AGAP1: variants seen among roughly 807,000 people sequenced by gnomAD.
AGAP1 encodes arf-GAP with GTPase, ANK repeat and PH domain-containing protein 1.
A neutral mutation model predicts 105.3 loss-of-function variants in AGAP1; 29 were observed. The ratio of observed to expected loss-of-function variants is 0.28; its 90% CI spans 0.21 to 0.38. The LOEUF is 0.38. Among genes scored for constraint, AGAP1 ranks in the 10% least tolerant of loss-of-function variants. The pLI is 1.00. For synonymous variants in AGAP1, 509 were observed against 485.9 expected, an observed-to-expected ratio of 1.05 and a Z score of -0.63; for missense variants, 998 against 1,165.1, an observed-to-expected ratio of 0.86 and a Z score of 2.09.
intron 9 of AGAP1, among the ~76,000 whole-genome samples, chr2:235,848,109 G>C (rs1961726021): frequency 6.6e-6 from 1 of 152,154 alleles, no homozygotes; most frequent in Non-Finnish European, 1.5e-5. Flanking sequence ...TACACTCTCT[G>C]TCACTCGCCA....
chr2:235,587,145 T>A (rs1945138216), intron 1 of AGAP1, among the ~76,000 whole-genome samples: 1 of 152,226 alleles, frequency 6.6e-6, no homozygotes, highest in Non-Finnish European at 1.5e-5. Context: ...ATGGTGGTGA[T>A]AATAGACTCA....
chr2:235,873,778 A>G (rs1228427510), intron 9 of AGAP1, among the ~76,000 whole-genome samples: 1 of 152,224 alleles, frequency 6.6e-6, no homozygotes, highest in Admixed American at 6.5e-5. Flanking sequence ...CCCAGACTGG[A>G]GTGCAGTGGC....
At position 235,792,915 on chromosome 2, in the gene AGAP1, C is replaced by T. The variant is rs981891896; in HGVS notation, c.674-4844C>T. ...ACTGAGGTGGTGACCGAGACATTCG[C>T]GAGGAGGTTGCCCAGGCAGAGGGCA... is the stretch of plus-strand genomic sequence containing the variant. On this transcript the variant is annotated intron_variant, in intron 6 of 17. Transcript: ENST00000304032. The surrounding 1 kb of genome is among the most constrained non-coding windows in gnomAD (Gnocchi z 5.3). 3.3e-5 allele frequency among the ~76,000 whole-genome samples: 5 copies of T among 152,126 alleles called. No homozygotes were observed. The highest frequency in any genetic ancestry group is 3.9e-4 in the East Asian group (2 of 5,152).
rs1203098519 is a variant in AGAP1, at chr2:236,105,497, G to A, written c.2115-14695G>A. Among the ~76,000 whole-genome samples the A allele has an allele frequency of 1.3e-5, 2 of 151,300 alleles. No individual in the cohort carries two copies. Among genetic ancestry groups the A allele is most frequent in the African/African-American group, 4.9e-5 (2 of 41,122 alleles). On this transcript the variant is annotated intron_variant, in intron 16 of 17. Coordinates refer to ENST00000304032, the MANE Select transcript of AGAP1 (RefSeq NM_001037131.3). This position sits in a 1 kb window ranked among gnomAD's most constrained non-coding sequence, Gnocchi z 4.2. ...GCCTCTTCCTGGCTTATAGACAGAT[G>A]CCTCTTGCAGTGTCCTCATGTGGAG...
At position 236,056,054 on chromosome 2, in the gene AGAP1, G is replaced by A. The variant is rs1415863700; in HGVS notation, c.2114+6773G>A. On this transcript the variant is annotated intron_variant, in intron 16 of 17. Transcript: ENST00000304032. This position sits in a 1 kb window ranked among gnomAD's most constrained non-coding sequence, Gnocchi z 4.6. ...GACAACAGATAGAGCAATGCATCTA[G>A]TGAACCTCCACCAGGGAGCTTGGTG... is the stretch of plus-strand genomic sequence containing the variant. Among the ~76,000 whole-genome samples the A allele has an allele frequency of 6.6e-6, 1 of 152,192 alleles. No homozygotes were observed. The highest frequency in any genetic ancestry group is 1.5e-5 in the Non-Finnish European group (1 of 68,042).
At chr2:235,764,232 C>CA (rs1332242017) in intron 6 of AGAP1, among the ~76,000 whole-genome samples, 1 of 152,198 alleles carries the variant, frequency 6.6e-6, no homozygotes, top group African/African-American at 2.4e-5. Context: ...GCAAAACTGC[C>CA]AGTTCCTTGA....
intron 7 of AGAP1, among the ~76,000 whole-genome samples, chr2:235,798,779 G>A (rs1957357688): frequency 6.6e-6 from 1 of 151,346 alleles, no homozygotes; most frequent in African/African-American, 2.4e-5. Context: ...TGAGGTGGGG[G>A]GATCACCTCT....
intron 2 of AGAP1, among the ~76,000 whole-genome samples, chr2:235,710,170 G>A (rs938132562): frequency 3.9e-5 from 6 of 152,198 alleles, no homozygotes; most frequent in Middle Eastern, 3.4e-3. Flanking sequence ...GATCCCCTGC[G>A]GCCCGTGGAC....
At chr2:236,108,202 C>T (rs910541838) in intron 16 of AGAP1, among the ~76,000 whole-genome samples, 1 of 152,228 alleles carries the variant, frequency 6.6e-6, no homozygotes, top group African/African-American at 2.4e-5. Context: ...GCTGTCAGCG[C>T]CCGCTCGCAG....
chr2:235,562,701 C>T (rs1368379571), intron 1 of AGAP1, among the ~76,000 whole-genome samples: 1 of 152,174 alleles, frequency 6.6e-6, no homozygotes, highest in Non-Finnish European at 1.5e-5. Flanking sequence ...AGTCCTGGCT[C>T]CGGTCCTCTG....
chr2:235,508,820 C>T (rs964221114), intron 1 of AGAP1, among the ~76,000 whole-genome samples: 14 of 152,182 alleles, frequency 9.2e-5, no homozygotes, highest in Admixed American at 9.2e-4. Flanking sequence ...GTTACTTTCC[C>T]CCTGTGCTGT....
chr2:235,548,803 A>T (rs533540885), intron 1 of AGAP1, among the ~76,000 whole-genome samples: 5 of 152,174 alleles, frequency 3.3e-5, no homozygotes, highest in Non-Finnish European at 5.9e-5. Context: ...TTTCATTACA[A>T]AAGTACCCAT....
At chr2:235,969,924 G>C (rs945906652) in intron 13 of AGAP1, among the ~76,000 whole-genome samples, 1 of 152,010 alleles carries the variant, frequency 6.6e-6, no homozygotes, top group Non-Finnish European at 1.5e-5. Flanking sequence ...ATTTTTCGTC[G>C]GGCACGGTGG....
chr2:235,665,861 TAGC>T lies in AGAP1; in HGVS notation c.164-43315_164-43313del, dbSNP rs1948110470. Among the ~76,000 whole-genome samples the T allele has an allele frequency of 6.6e-6, 1 of 152,218 alleles. No homozygotes were observed. Among genetic ancestry groups the T allele is most frequent in the Non-Finnish European group, 1.5e-5 (1 of 68,026 alleles). ...CTGTTATTTGGAAAGCCAGCCTGTG[TAGC>T]AGATGGCTCTGCTGACTGGCTACCA... On this transcript the variant is annotated intron_variant, in intron 1 of 17. Coordinates refer to ENST00000304032, the MANE Select transcript of AGAP1 (RefSeq NM_001037131.3). This position sits in a 1 kb window ranked among gnomAD's most constrained non-coding sequence, Gnocchi z 5.3.
chr2:235,787,259 A>G lies in AGAP1; in HGVS notation c.674-10500A>G, dbSNP rs554172359. Among the ~76,000 whole-genome samples the G allele has an allele frequency of 3.3e-5, 5 of 152,316 alleles. No individual in the cohort carries two copies. In the South Asian group the frequency reaches 1.0e-3, roughly 32 times the overall value. On this transcript the variant is annotated intron_variant, in intron 6 of 17. Transcript: ENST00000304032. This position sits in a 1 kb window ranked among gnomAD's most constrained non-coding sequence, Gnocchi z 4.4. ...TCCTATGTCATGAAAGCTTTTCTTC[A>G]TCACGTGCTAATGACTTCCTGTTCC...
intron 16 of AGAP1, among the ~76,000 whole-genome samples, chr2:236,077,379 C>T (rs1459072225): frequency 2.7e-5 from 4 of 147,994 alleles, no homozygotes; most frequent in Admixed American, 6.8e-5. Flanking sequence ...AGTGCAGTGG[C>T]GCGATCTCAG....
Position 235,553,877 on chromosome 2 carries a change from G to T in AGAP1, c.163+59028G>T, listed in dbSNP as rs1943891014. The stretch of plus-strand genomic sequence containing the variant: ...TAAGTGAAAGGAACTTCCACGTAAG[G>T]ATCCCGAAGCACGGTTGCCTCCGCC... On this transcript the variant is annotated intron_variant, in intron 1 of 17. Transcript: ENST00000304032. The surrounding 1 kb of genome is among the most constrained non-coding windows in gnomAD (Gnocchi z 4.5). 1.3e-5 allele frequency among the ~76,000 whole-genome samples: 2 copies of T among 152,224 alleles called. No individual in the cohort carries two copies. The highest frequency in any genetic ancestry group is 6.5e-5 in the Admixed American group (1 of 15,288).
chr2:236,116,772 C>T (rs2059781987), intron 16 of AGAP1, among the ~76,000 whole-genome samples: 1 of 151,364 alleles, frequency 6.6e-6, no homozygotes, highest in Non-Finnish European at 1.5e-5. Flanking sequence ...CCCCAAGTCC[C>T]CAAAGTCCGT....
chr2:235,643,896 C>G (rs1947285515), intron 1 of AGAP1, among the ~76,000 whole-genome samples: 1 of 152,124 alleles, frequency 6.6e-6, no homozygotes, highest in African/African-American at 2.4e-5. Flanking sequence ...TTTGGTTCTT[C>G]TGTGTCCTGT....
Sources: gnomAD v4.1 joint callset for allele counts (sites outside exome capture counted in the v4.1 genomes callset) on GRCh38, gnomAD v4.1.1 for gene constraint, Gnocchi (gnomAD v3.1) non-coding constraint, MANE v1.5 for transcripts, NCBI Gene and HGNC (gene_info 2026-07-23, HGNC 2026-07-21) for gene names.